The following ZNF385B variants were observed in gnomAD, a reference collection of about 807,000 sequenced individuals.
ZNF385B encodes the protein zinc finger protein 533.
A neutral mutation model predicts 39.2 loss-of-function variants in ZNF385B; 23 were observed. That is an observed-to-expected ratio of 0.59 (90% CI 0.42 to 0.83). The LOEUF is 0.83. Ranked by LOEUF, ZNF385B falls within the 40% of genes least tolerant of loss-of-function variation. The pLI is 0.00. For missense variants in ZNF385B, 552 were observed against 598.9 expected (o/e 0.92, Z 0.82); for synonymous variants, 205 against 222.6 (o/e 0.92, Z 0.70).
At chr2:179,693,319 G>A (rs994341015) in intron 3 of ZNF385B, among the ~76,000 whole-genome samples, 6 of 152,110 alleles carry the variant, frequency 3.9e-5, no homozygotes, top group African/African-American at 1.4e-4. Flanking sequence ...TAGTTAATCA[G>A]GTGGGATGCT....
Position 179,769,529 on chromosome 2 carries a change from G to T in ZNF385B, c.272C>A (p.Ala91Asp). Reference protein sequence around the residue: ...SDGQPPPPAQASPSSNSSTGS... With the variant: ...SDGQPPPPAQDSPSSNSSTGS... ...TGTGCTGCTGTTGCTGCTGGGGCTG[G>T]CCTGGGCGGGTGGTGGGGGCTGCCC... Residue 91 changes from alanine (A) to aspartate (D), a missense_variant, in exon 3 of 10, where the codon GCC (alanine) becomes GAC (aspartate). Ala to Asp is a moderately radical substitution (Grantham distance 126). Coordinates refer to ENST00000410066, the MANE Select transcript of ZNF385B (RefSeq NM_152520.6). 6 of 1,613,956 alleles carry T rather than the reference G, an allele frequency of 3.7e-6. No individual in the cohort carries two copies. The highest frequency in any genetic ancestry group is 5.1e-6 in the Non-Finnish European group (6 of 1,179,986).
chr2:179,625,719 G>C (rs1690600093), intron 3 of ZNF385B, among the ~76,000 whole-genome samples: 1 of 152,004 alleles, frequency 6.6e-6, no homozygotes, highest in South Asian at 2.1e-4. Flanking sequence ...CTGGTACAAG[G>C]AAAACGATAT....
rs377301912 is a variant in ZNF385B at position 179,460,349 on chromosome 2, G to A, written c.716-13579C>T. Among the ~76,000 whole-genome samples the A allele has an allele frequency of 1.8e-4, 28 of 152,184 alleles. No individual in the cohort carries two copies. The East Asian group carries it at 2.7e-3, about 15-fold the overall frequency. Reference sequence around the variant, plus strand: ...GGTGTAGGCCAAGCTAACCATGGCAGGAATTTAGTTTACAGTTTAACTTTG... The same window carrying A: ...GGTGTAGGCCAAGCTAACCATGGCAAGAATTTAGTTTACAGTTTAACTTTG... On this transcript the variant is annotated intron_variant, in intron 6 of 9. Coordinates refer to ENST00000410066, the MANE Select transcript of ZNF385B (RefSeq NM_152520.6).
chr2:179,717,894 C>T (rs997126472), intron 3 of ZNF385B, among the ~76,000 whole-genome samples: 28 of 141,462 alleles, frequency 2.0e-4, no homozygotes, highest in African/African-American at 7.0e-4. Context: ...TTTGTTATTA[C>T]ATCATATGTT....
intron 3 of ZNF385B, among the ~76,000 whole-genome samples, chr2:179,592,364 T>C (rs1338237423): frequency 6.6e-6 from 1 of 152,234 alleles, no homozygotes; most frequent in Non-Finnish European, 1.5e-5. Context: ...TGTAATTTAA[T>C]AGCCTCAGTT....
At chr2:179,852,907 G>A (rs114419480) in intron 1 of ZNF385B, among the ~76,000 whole-genome samples, 2,113 of 152,266 alleles carry the variant, frequency 0.014, 22 homozygotes, top group Non-Finnish European at 0.023. Flanking sequence ...GAACCAGCTT[G>A]ATGACCACAT....
At chr2:179,518,424 G>A (rs918588872) in intron 5 of ZNF385B, 104 bp downstream of exon 5, 8 of 823,378 alleles carry the variant, frequency 9.7e-6, no homozygotes, top group Admixed American at 5.8e-5. Flanking sequence ...CTACCAATAG[G>A]AGTGGCTGCT....
At chr2:179,706,992 C>G (rs1699648988) in intron 3 of ZNF385B, among the ~76,000 whole-genome samples, 1 of 152,118 alleles carries the variant, frequency 6.6e-6, no homozygotes, top group Non-Finnish European at 1.5e-5. Context: ...CCCCAAGATA[C>G]CTGGGACCCC....
chr2:179,772,613 T>C (rs1194706882), intron 1 of ZNF385B, among the ~76,000 whole-genome samples: 1 of 152,230 alleles, frequency 6.6e-6, no homozygotes, highest in South Asian at 2.1e-4. Context: ...TGAGATGATA[T>C]AATTTCTAGG....
intron 3 of ZNF385B, among the ~76,000 whole-genome samples, chr2:179,548,012 T>C (rs1490034732): frequency 3.3e-5 from 5 of 149,722 alleles, no homozygotes; most frequent in Non-Finnish European, 1.5e-5. Context: ...CTTCTTGATT[T>C]CTTTTTCAGA....
intron 3 of ZNF385B, among the ~76,000 whole-genome samples, chr2:179,700,296 C>T (rs1317154449): frequency 6.6e-6 from 1 of 152,194 alleles, no homozygotes; most frequent in Admixed American, 6.5e-5. Context: ...TCACAGGTCA[C>T]GTTTATTCCA....
At chr2:179,770,322 T>A (rs907381514) in intron 2 of ZNF385B, among the ~76,000 whole-genome samples, 199 bp downstream of exon 2, 1 of 152,192 alleles carries the variant, frequency 6.6e-6, no homozygotes, top group Non-Finnish European at 1.5e-5. Context: ...GGCCTACAAC[T>A]GCACCTGTTA....
At chr2:179,652,249 T>G (rs1369019797) in intron 3 of ZNF385B, among the ~76,000 whole-genome samples, 1 of 152,156 alleles carries the variant, frequency 6.6e-6, no homozygotes, top group Non-Finnish European at 1.5e-5. Context: ...TCAATGAGTA[T>G]GGTTCTAAAG....
At chr2:179,705,286 A>G (rs1368703165) in intron 3 of ZNF385B, among the ~76,000 whole-genome samples, 2 of 152,234 alleles carry the variant, frequency 1.3e-5, no homozygotes, top group African/African-American at 2.4e-5. Context: ...CCTTAGGACT[A>G]CTAGTTCTCA....
chr2:179,554,255 T>C (rs531701838), intron 3 of ZNF385B, among the ~76,000 whole-genome samples: 3 of 149,240 alleles, frequency 2.0e-5, no homozygotes. Flanking sequence ...GCAGGGGTCA[T>C]GTGTTATCAA....
intron 3 of ZNF385B, among the ~76,000 whole-genome samples, chr2:179,597,457 A>G (rs903844851): frequency 1.3e-5 from 2 of 152,240 alleles, no homozygotes; most frequent in African/African-American, 4.8e-5. Context: ...AAGTTTGGAT[A>G]CAGGCATAAC....
At chr2:179,491,211 A>T (rs1228216874) in intron 5 of ZNF385B, among the ~76,000 whole-genome samples, 2 of 152,218 alleles carry the variant, frequency 1.3e-5, no homozygotes, top group Non-Finnish European at 2.9e-5. Flanking sequence ...TTAAGAATTC[A>T]TCAAGAAGTA....
At chr2:179,455,136 C>T (rs182159438) in intron 6 of ZNF385B, among the ~76,000 whole-genome samples, 168 of 151,946 alleles carry the variant, frequency 1.1e-3, no homozygotes, top group Middle Eastern at 6.8e-3. Context: ...ATTTTTTTAT[C>T]TTTTATACAA....
In ZNF385B at chr2:179,846,702, T is replaced by C. The variant is rs544149347; in HGVS notation, c.-155+14399A>G. Among the ~76,000 whole-genome samples the C allele has an allele frequency of 1.7e-4, 26 of 152,330 alleles. 1 individual carries two copies. The highest frequency in any genetic ancestry group is 6.3e-4 in the African/African-American group (26 of 41,576). On this transcript the variant is annotated intron_variant, in intron 1 of 9. Coordinates refer to ENST00000410066, the MANE Select transcript of ZNF385B (RefSeq NM_152520.6). Reference sequence around the variant, plus strand: ...CACTAGATTACTGTATTTCTCAGAATTTAATGTGCAAACAAAACCCCTGAA... The same window carrying C: ...CACTAGATTACTGTATTTCTCAGAACTTAATGTGCAAACAAAACCCCTGAA...
Sources: allele counts gnomAD v4.1 joint callset (sites outside exome capture counted in the v4.1 genomes callset), GRCh38; gene constraint gnomAD v4.1.1; transcripts MANE v1.5; gene names NCBI Gene and HGNC (gene_info 2026-07-23, HGNC 2026-07-21).